Variants in JCAD observed in about 807,000 individuals in gnomAD.
JCAD encodes junctional cadherin 5 associated.
JCAD carries 40 observed loss-of-function variants against 98.0 expected under a neutral mutation model. That is an observed-to-expected ratio of 0.41 (90% CI 0.32 to 0.53). The LOEUF is 0.53. Among genes scored for constraint, JCAD ranks in the 20% least tolerant of loss-of-function variants. The probability of loss-of-function intolerance (pLI) is 0.31; values close to 1 mark genes in which losing one functional copy is unlikely to be tolerated. For synonymous variants in JCAD, 691 were observed against 682.3 expected, an observed-to-expected ratio of 1.01 and a Z score of -0.20; for missense variants, 1,705 against 1,738.1, an observed-to-expected ratio of 0.98 and a Z score of 0.34.
chr10:30,039,913 G>T (rs1837207551), intron 2 of JCAD, among the ~76,000 whole-genome samples: 1 of 152,206 alleles, frequency 6.6e-6, no homozygotes, highest in Non-Finnish European at 1.5e-5. Context: ...ATCCTGGGAG[G>T]AATGAAATGA....
chr10:30,028,587 C>T lies in JCAD; in HGVS notation c.1561G>A (p.Val521Met), dbSNP rs549537213. ...ACATCAGGCCACTGTCCCCTTGCCA[C>T]ACAGCGGTCTCTCTGGTTGGGGAGG... Reference protein sequence around the residue: ...SGLPNQRDRCVARGQWPDVRG... With the variant: ...SGLPNQRDRCMARGQWPDVRG... The change falls in exon 3 of 4, where the codon GTG becomes ATG. Residue 521 changes from valine (V) to methionine (M), a missense_variant. Val to Met is a conservative substitution (Grantham distance 21). Coordinates refer to ENST00000375377, the MANE Select transcript of JCAD (RefSeq NM_020848.4). 1 of 1,614,128 alleles carries T rather than the reference C, an allele frequency of 6.2e-7. No individual in the cohort carries two copies. Among genetic ancestry groups the T allele is most frequent in the South Asian group, 1.1e-5 (1 of 91,074 alleles).
intron 2 of JCAD, among the ~76,000 whole-genome samples, chr10:30,068,662 A>C (rs1033636641): frequency 2.0e-5 from 3 of 152,182 alleles, no homozygotes; most frequent in African/African-American, 7.2e-5. Context: ...TTCATTAATC[A>C]CAGGGCCAAA....
chr10:30,038,886 G>A (rs578093882), intron 2 of JCAD, among the ~76,000 whole-genome samples: 1 of 152,196 alleles, frequency 6.6e-6, no homozygotes, highest in African/African-American at 2.4e-5. Context: ...CGCCAGCTGC[G>A]TGTACTAATG....
chr10:30,112,174 A>G (rs1232352740), intron 1 of JCAD, among the ~76,000 whole-genome samples: 1 of 152,196 alleles, frequency 6.6e-6, no homozygotes, highest in Non-Finnish European at 1.5e-5. Context: ...ATGGACAAAC[A>G]TTAAGAATAT....
chr10:30,021,305 C>G (rs958325878), intron 3 of JCAD, among the ~76,000 whole-genome samples: 2 of 152,198 alleles, frequency 1.3e-5, no homozygotes, highest in African/African-American at 4.8e-5. Context: ...CTGAAGTGAT[C>G]CTCCTCCCTC....
rs763428053 is a variant in JCAD, at chr10:30,029,382, G to T, written c.766C>A (p.Pro256Thr). 6.2e-7 allele frequency: 1 copy of T among 1,614,068 alleles called. No individual in the cohort carries two copies. The highest frequency in any genetic ancestry group is 8.5e-7 in the Non-Finnish European group (1 of 1,180,022). ...GTGGGAGGATACGGTGGCATTTTAG[G>T]TGAATGTCTTTCATTTAATGGAATG... The part of the protein sequence containing the change: ...IPIPLNERHS[P>T]KMPPYPPTCA... The change falls in exon 3 of 4, where the codon CCT (proline) becomes ACT (threonine). Residue 256 changes from proline (P) to threonine (T), a missense_variant. Coordinates refer to ENST00000375377, the MANE Select transcript of JCAD (RefSeq NM_020848.4).
At chr10:30,029,893 A>G (rs554583959) in intron 2 of JCAD, 27 bp from the exon 3 acceptor site, 1 of 1,589,072 alleles carries the variant, frequency 6.3e-7, no homozygotes, top group African/African-American at 1.3e-5. Flanking sequence ...CACAGACGTT[A>G]GGCACAGAAG....
intron 2 of JCAD, among the ~76,000 whole-genome samples, chr10:30,038,841 A>C (rs1453766107): frequency 6.6e-6 from 1 of 152,040 alleles, no homozygotes; most frequent in Non-Finnish European, 1.5e-5. Context: ...CCTGGAGAAA[A>C]GGTAGGTGGA....
intron 2 of JCAD, chr10:30,044,928 T>C (rs1193109816): frequency 3.5e-6 from 1 of 287,662 alleles, no homozygotes; most frequent in African/African-American, 2.3e-5. Context: ...ATGCATTTGC[T>C]ATTTCTACCC....
intron 1 of JCAD, among the ~76,000 whole-genome samples, chr10:30,082,707 C>T (rs940327385): frequency 1.3e-5 from 2 of 151,862 alleles, no homozygotes; most frequent in African/African-American, 4.8e-5. Context: ...CAAAATTGGC[C>T]GGGTATGGTG....
chr10:30,036,173 G>T (rs1837105740), intron 2 of JCAD, among the ~76,000 whole-genome samples: 1 of 152,206 alleles, frequency 6.6e-6, no homozygotes, highest in Non-Finnish European at 1.5e-5. Flanking sequence ...GCTGGGCACA[G>T]TGGCTCACGC....
intron 1 of JCAD, among the ~76,000 whole-genome samples, chr10:30,058,916 C>A (rs1420505162): frequency 6.6e-6 from 1 of 152,154 alleles, no homozygotes; most frequent in African/African-American, 2.4e-5. Context: ...GAGACCGGAG[C>A]GGGAGCGGGG....
intron 1 of JCAD, among the ~76,000 whole-genome samples, chr10:30,081,025 C>T (rs1188191657): frequency 6.6e-6 from 1 of 152,208 alleles, no homozygotes; most frequent in Non-Finnish European, 1.5e-5. Flanking sequence ...TGTACTTATA[C>T]CAAAATCACT....
At chr10:30,063,003 C>T (rs148139965), upstream of JCAD, among the ~76,000 whole-genome samples, 36 of 152,146 alleles carry the variant, frequency 2.4e-4, no homozygotes, top group African/African-American at 7.2e-4. Flanking sequence ...GTTTCCACAC[C>T]GGTCACCAGT....
intron 1 of JCAD, among the ~76,000 whole-genome samples, chr10:30,107,479 G>A (rs1702337056): frequency 6.6e-6 from 1 of 152,202 alleles, no homozygotes; most frequent in Admixed American, 6.5e-5. Flanking sequence ...AAAAAGGGGA[G>A]GACACTTCAG....
intron 2 of JCAD, among the ~76,000 whole-genome samples, chr10:30,040,784 C>T (rs948536405): frequency 5.3e-5 from 8 of 152,164 alleles, no homozygotes; most frequent in South Asian, 2.1e-4. Context: ...TGTCCTTTGT[C>T]GAGAACGCAG....
At chr10:30,047,450 G>T in intron 2 of JCAD, 82 bp downstream of exon 2, 1 of 1,481,860 alleles carries the variant, frequency 6.7e-7, no homozygotes. Context: ...GCCAAATATA[G>T]ATTTGAAAGA....
At chr10:30,062,364 G>A (rs1383955112), upstream of JCAD, among the ~76,000 whole-genome samples, 1 of 152,082 alleles carries the variant, frequency 6.6e-6, no homozygotes, top group African/African-American at 2.4e-5. Flanking sequence ...CCCTAGCCCT[G>A]CTCTAATGTT....
chr10:30,113,548 C>CAAAAAAAA lies in JCAD; in HGVS notation n.128+1811_128+1818dup, dbSNP rs71023545. 2.5e-4 allele frequency among the ~76,000 whole-genome samples: 4 copies of CAAAAAAAA among 15,966 alleles called. 1 individual carries two copies. The highest frequency in any genetic ancestry group is 1.3e-3 in the Admixed American group (1 of 746). The allele number at this position is 15,966 out of a possible 152,430, so 10.5% of individuals were successfully genotyped here. Reference sequence around the variant, plus strand: ...CCTGGGCGACAGAGCGAGACACTGTCAAAAAAAAAAAAAAAAAAAAAAAAA... The same window carrying CAAAAAAAA: ...CCTGGGCGACAGAGCGAGACACTGTCAAAAAAAAAAAAAAAAAAAAAAAAAAAAAAAAA... On this transcript the variant is annotated intron_variant and non_coding_transcript_variant, in intron 1 of 2. Coordinates refer to the JCAD transcript ENST00000465712.
Sources: gnomAD v4.1 joint callset for allele counts (sites outside exome capture counted in the v4.1 genomes callset) on GRCh38, gnomAD v4.1.1 for gene constraint, MANE v1.5 for transcripts, NCBI Gene and HGNC (gene_info 2026-07-23, HGNC 2026-07-21) for gene names.